COL6A6: variants seen among roughly 807,000 people sequenced by gnomAD.
COL6A6 encodes collagen alpha-6(VI) chain.
Under a neutral mutation model 208.6 loss-of-function variants are expected in COL6A6, and 183 were observed. That is an observed-to-expected ratio of 0.88 (90% CI 0.78 to 0.99). The LOEUF (loss-of-function observed/expected upper bound fraction) is 0.99, where lower values mean the gene tolerates loss of function less well. Ranked by LOEUF, COL6A6 falls within the 50% of genes least tolerant of loss-of-function variation. COL6A6 has a pLI of 0.00. For missense variants in COL6A6, 2,816 were observed against 2,815.2 expected (o/e 1.00, Z -0.01); for synonymous variants, 973 against 1,011.8 (o/e 0.96, Z 0.73).
At chr3:130,518,074 A>G (rs1710847779) in intron 1 of COL6A6, among the ~76,000 whole-genome samples, 3 of 152,228 alleles carry the variant, frequency 2.0e-5, no homozygotes, top group Admixed American at 2.0e-4. Flanking sequence ...TGTTAAAACT[A>G]GGAAGTGATT....
At chr3:130,550,176 T>G (rs1383489731) in intron 1 of COL6A6, among the ~76,000 whole-genome samples, 1 of 152,216 alleles carries the variant, frequency 6.6e-6, no homozygotes, top group Non-Finnish European at 1.5e-5. Context: ...GAAACTTTGC[T>G]GAAGTTGTTA....
intron 28 of COL6A6, among the ~76,000 whole-genome samples, chr3:130,638,216 AT>A (rs2065211474): frequency 6.6e-6 from 1 of 151,860 alleles, no homozygotes; most frequent in Non-Finnish European, 1.5e-5. Context: ...TTCTGAACTG[AT>A]TTGTTTCAGA....
chr3:130,656,464 G>C (rs1242915873), intron 33 of COL6A6, among the ~76,000 whole-genome samples: 1 of 152,184 alleles, frequency 6.6e-6, no homozygotes, highest in East Asian at 1.9e-4. Flanking sequence ...CTGGTCAACT[G>C]GTGGCCTCCT....
At chr3:130,547,527 T>G (rs1360516189) in intron 1 of COL6A6, among the ~76,000 whole-genome samples, 1 of 152,174 alleles carries the variant, frequency 6.6e-6, no homozygotes, top group Admixed American at 6.5e-5. Context: ...AGTGGCGGGC[T>G]GAAGGGCTCC....
chr3:130,563,130 T>C lies in COL6A6; in HGVS notation c.127T>C (p.Phe43Leu). The C allele has an allele frequency of 6.2e-7, 1 of 1,614,040 alleles. No homozygotes were observed. ...CTCTGATCGCCTGGGATCCAAGTCC[T>C]TCCCATTTGTGAAAATGTTCATCAC... ...DSSDRLGSKS[F>L]PFVKMFITKM... Residue 43 changes from phenylalanine (F) to leucine (L), a missense_variant, in exon 3 of 37, where the codon TTC (phenylalanine) becomes CTC (leucine). Phe to Leu is a conservative substitution (Grantham distance 22). Coordinates refer to ENST00000358511, the MANE Select transcript of COL6A6 (RefSeq NM_001102608.3).
intron 20 of COL6A6, among the ~76,000 whole-genome samples, chr3:130,602,892 G>A (rs1490389020): frequency 6.6e-6 from 1 of 152,106 alleles, no homozygotes; most frequent in Non-Finnish European, 1.5e-5. Context: ...AAATCAGCAT[G>A]CATCATTCTC....
rs2062939353 is a variant in COL6A6, at chr3:130,563,360, C to A, written c.357C>A (p.Phe119Leu). The A allele has an allele frequency of 6.2e-7, 1 of 1,613,880 alleles. No individual in the cohort carries two copies. Residue 119 changes from phenylalanine (F) to leucine (L), a missense_variant, in exon 3 of 37, where the codon TTC (phenylalanine) becomes TTA (leucine). Coordinates refer to ENST00000358511, the MANE Select transcript of COL6A6 (RefSeq NM_001102608.3). ...TTCAGGAGGCTCACAGGACTTATTT[C>A]TCTGCACCCGCAAATGGGAGAGACA... Reference protein sequence around the residue: ...KALQEAHRTYFSAPANGRDKK... With the variant: ...KALQEAHRTYLSAPANGRDKK...
At chr3:130,634,523 T>TGAA in intron 26 of COL6A6, 67 bp from the exon 27 acceptor site, 1 of 1,423,068 alleles carries the variant, frequency 7.0e-7, no homozygotes. Flanking sequence ...GCAGGTAAAT[T>TGAA]GAAAATCAAT....
chr3:130,641,743 G>A lies in COL6A6; in HGVS notation c.5154+29G>A, dbSNP rs61002754. Reference sequence around the variant, plus strand: ...AGTAGAAAAACTATAAACCACAGCAGGTCCTTTTCCATTAAAAAAAAAAAA... The same window carrying A: ...AGTAGAAAAACTATAAACCACAGCAAGTCCTTTTCCATTAAAAAAAAAAAA... On this transcript the variant is annotated intron_variant, in intron 29 of 36. Transcript: ENST00000358511. 2.3e-3 allele frequency: 3,144 copies of A among 1,379,152 alleles called. 44 individuals are homozygous for A. In the African/African-American group the frequency reaches 0.038, roughly 17 times the overall value. The allele number at this position is 1,379,152 out of a possible 1,614,324, so 85.4% of individuals were successfully genotyped here.
At chr3:130,554,934 T>G (rs1027372598) in intron 1 of COL6A6, among the ~76,000 whole-genome samples, 1 of 151,946 alleles carries the variant, frequency 6.6e-6, no homozygotes. Context: ...GAGAGGTACC[T>G]CAGTTGAGGT....
intron 2 of COL6A6, 130 bp downstream of exon 2, chr3:130,560,558 G>A (rs936401286): frequency 5.7e-6 from 4 of 699,672 alleles, no homozygotes; most frequent in South Asian, 4.2e-5. Flanking sequence ...GATTAAGGGC[G>A]GTAAGTCAAA....
chr3:130,573,348 A>T (rs1332780101), intron 7 of COL6A6, among the ~76,000 whole-genome samples: 1 of 152,298 alleles, frequency 6.6e-6, no homozygotes, highest in Non-Finnish European at 1.5e-5. Context: ...AGTTTTCCAT[A>T]GCGCTGGCCC....
Position 130,604,378 on chromosome 3 carries a change from C to T in COL6A6, c.4654-2553C>T, listed in dbSNP as rs370976108. The stretch of plus-strand genomic sequence containing the variant: ...GGCGTGGTGGCGGGCGCCTGTAGTC[C>T]CAGCTACTCGGGAGGCTGAGGCAGG... On this transcript the variant is annotated intron_variant, in intron 20 of 36. Coordinates refer to ENST00000358511, the MANE Select transcript of COL6A6 (RefSeq NM_001102608.3). Among the ~76,000 whole-genome samples the T allele has an allele frequency of 4.1e-3, 625 of 152,150 alleles. 4 individuals carry two copies. Among genetic ancestry groups the T allele is most frequent in the African/African-American group, 0.014 (597 of 41,506 alleles).
intron 8 of COL6A6, among the ~76,000 whole-genome samples, chr3:130,577,133 T>A (rs2063316364): frequency 6.6e-6 from 1 of 152,238 alleles, no homozygotes; most frequent in Admixed American, 6.5e-5. Flanking sequence ...CCTGGTGTTC[T>A]AAGCACTTTA....
At chr3:130,594,423 C>A (rs2063796254) in intron 18 of COL6A6, 80 bp downstream of exon 18, 3 of 1,084,960 alleles carry the variant, frequency 2.8e-6, no homozygotes, top group Admixed American at 2.1e-5. Context: ...TTTCAAGGTA[C>A]TACAATAGTA....
In COL6A6 at chr3:130,599,758, G is replaced by T; in HGVS notation, c.4601G>T (p.Gly1534Val). 1 of 1,613,678 alleles carries T rather than the reference G, an allele frequency of 6.2e-7. No homozygotes were observed. The highest frequency in any genetic ancestry group is 8.5e-7 in the Non-Finnish European group (1 of 1,179,706). Residue 1534 changes from glycine to valine, a missense_variant and splice_region_variant, in exon 20 of 37, where the codon GGC (glycine) becomes GTC (valine). Physicochemically the swap from Gly to Val is moderately radical, Grantham distance 109 (BLOSUM62 -3). Coordinates refer to ENST00000358511, the MANE Select transcript of COL6A6 (RefSeq NM_001102608.3). ...CACATCTGTCTGTTCCTTTGACAGGGCAGAAGAGGCTGGCCAGGCCCCCCC... is the reference window on the plus strand; with the variant it reads ...CACATCTGTCTGTTCCTTTGACAGGTCAGAAGAGGCTGGCCAGGCCCCCCC... ...TGLKGERGRQ[G>V]RRGWPGPPGT...
intron 24 of COL6A6, among the ~76,000 whole-genome samples, chr3:130,624,922 C>T (rs1179715872): frequency 6.6e-6 from 1 of 152,170 alleles, no homozygotes; most frequent in Non-Finnish European, 1.5e-5. Flanking sequence ...GGCAGTTAAT[C>T]CTGGGCTTAA....
chr3:130,659,272 T>C (rs1420919336), intron 34 of COL6A6, among the ~76,000 whole-genome samples: 1 of 152,172 alleles, frequency 6.6e-6, no homozygotes, highest in African/African-American at 2.4e-5. Flanking sequence ...TCAGAAAGAT[T>C]TGCAGTGTTG....
chr3:130,627,407 T>G, intron 26 of COL6A6, 38 bp downstream of exon 26: 1 of 1,598,990 alleles, frequency 6.3e-7, no homozygotes. Flanking sequence ...GTTTTCCATT[T>G]ATTTTTTGTT....
Sources: gnomAD v4.1 joint callset for allele counts (sites outside exome capture counted in the v4.1 genomes callset) on GRCh38, gnomAD v4.1.1 for gene constraint, MANE v1.5 for transcripts, NCBI Gene and HGNC (gene_info 2026-07-23, HGNC 2026-07-21) for gene names.